Variants in FSD2 observed in about 807,000 individuals in gnomAD.
FSD2 encodes fibronectin type III and SPRY domain containing 2.
FSD2 carries 71 observed loss-of-function variants against 80.4 expected under a neutral mutation model. The observed-to-expected ratio is 0.88, with a 90% confidence interval of 0.73 to 1.08. FSD2 has a LOEUF of 1.08. FSD2 is among the 50% of genes least tolerant of loss of function. The probability of loss-of-function intolerance (pLI) is 0.00; values close to 1 mark genes in which losing one functional copy is unlikely to be tolerated. For synonymous variants in FSD2, 361 were observed against 329.5 expected (o/e 1.10, Z -1.03); for missense variants, 923 against 913.8 (o/e 1.01, Z -0.13).
chr15:82,789,973 G>A (rs1170570914), intron 1 of FSD2, among the ~76,000 whole-genome samples: 1 of 152,128 alleles, frequency 6.6e-6, no homozygotes, highest in Admixed American at 6.5e-5. Flanking sequence ...TCAGGAGTTC[G>A]AGACCAGCCT....
intron 1 of FSD2, among the ~76,000 whole-genome samples, chr15:82,797,495 G>T (rs1225792532): frequency 6.6e-6 from 1 of 152,178 alleles, no homozygotes; most frequent in Non-Finnish European, 1.5e-5. Flanking sequence ...ATTAAGAGAT[G>T]CATTTCCATT....
chr15:82,778,892 TGG>T lies in FSD2; in HGVS notation c.990-7_990-6del, dbSNP rs752861069. The T allele has an allele frequency of 6.2e-6, 10 of 1,613,792 alleles. No homozygotes were observed. The highest frequency in any genetic ancestry group is 7.6e-6 in the Non-Finnish European group (9 of 1,179,854). ...GTTTTCAGGAATTTCCCGAGTCTGT[TGG>T]TATAAAAAGACATGCTGACTAGAAT... On this transcript the variant is annotated splice_polypyrimidine_tract_variant and splice_region_variant and intron_variant, in intron 5 of 12. Transcript: ENST00000334574.
In FSD2 at chr15:82,786,778, G is replaced by T; in HGVS notation, c.613C>A (p.Leu205Ile). ...TTGGCACTTTCCAGTGCTTCATTGAGTGGGATCACTTCATGCTCCTTATGT... is the reference window on the plus strand; with the variant it reads ...TTGGCACTTTCCAGTGCTTCATTGATTGGGATCACTTCATGCTCCTTATGT... ...DEHKEHEVIPLNEALESAKDE... is the reference protein window; with the variant it reads ...DEHKEHEVIPINEALESAKDE... Residue 205 changes from leucine (L) to isoleucine (I), a missense_variant, in exon 2 of 13, where the codon CTC becomes ATC. Physicochemically the swap from Leu to Ile is conservative, Grantham distance 5 (BLOSUM62 2). Transcript: ENST00000334574. The T allele has an allele frequency of 6.2e-7, 1 of 1,613,914 alleles. No homozygotes were observed. Among genetic ancestry groups the T allele is most frequent in the Non-Finnish European group, 8.5e-7 (1 of 1,179,822 alleles).
intron 3 of FSD2, among the ~76,000 whole-genome samples, chr15:82,784,028 G>A (rs912239698): frequency 2.0e-5 from 3 of 152,114 alleles, no homozygotes; most frequent in East Asian, 1.9e-4. Context: ...AGATGATGGG[G>A]ACATTTCCAA....
intron 1 of FSD2, chr15:82,796,195 G>A (rs752982052): frequency 6.5e-6 from 1 of 153,342 alleles, no homozygotes; most frequent in Non-Finnish European, 1.5e-5. Context: ...TAGAGACGGG[G>A]TTTCACCATG....
In FSD2 at chr15:82,778,689, TAA is replaced by T. The variant is rs1236635288; in HGVS notation, c.1111+75_1111+76del. 4.8e-6 allele frequency: 7 copies of T among 1,471,186 alleles called. No individual in the cohort carries two copies. In the African/African-American group the frequency reaches 1.0e-4, roughly 21 times the overall value. 91.1% of individuals were successfully genotyped at this position (1,471,186 alleles called of 1,614,324 possible). ...TTTGTTAAGAGGATAGATCTCATGCTAAGTGTTCTCATCACAAGAAAGAAAAA... is the reference window on the plus strand; with the variant it reads ...TTTGTTAAGAGGATAGATCTCATGCTGTGTTCTCATCACAAGAAAGAAAAA... On this transcript the variant is annotated intron_variant, in intron 6 of 12. Transcript: ENST00000334574.
At chr15:82,786,107 C>T (rs2049989761) in intron 3 of FSD2, among the ~76,000 whole-genome samples, 1 of 151,946 alleles carries the variant, frequency 6.6e-6, no homozygotes, top group Admixed American at 6.6e-5. Context: ...AAATCACATA[C>T]AATTGGTGAT....
intron 5 of FSD2, 53 bp from the exon 6 acceptor site, chr15:82,778,940 G>GTA (rs1341346588): frequency 6.9e-6 from 11 of 1,599,284 alleles, no homozygotes; most frequent in South Asian, 1.1e-5. Context: ...TCTCCTTAGG[G>GTA]TATATATATA....
At chr15:82,764,513 GAGA>G (rs2049366804) in intron 11 of FSD2, among the ~76,000 whole-genome samples, 2 of 24,116 alleles carry the variant, frequency 8.3e-5, no homozygotes, top group South Asian at 1.8e-3. Context: ...TTTTTTTTTT[GAGA>G]AGGAGTCTCA....
In FSD2 at chr15:82,792,491, A is replaced by G. The variant is rs76293074; in HGVS notation, c.-78-5023T>C. The stretch of plus-strand genomic sequence containing the variant: ...TGCCTTTTTGTTATTGAGCTCTAAG[A>G]GTTCTTTGTGTATTCTGCATTCTAG... On this transcript the variant is annotated intron_variant, in intron 1 of 12. Transcript: ENST00000334574. Among the ~76,000 whole-genome samples, 1,516 of 152,240 alleles carry G rather than the reference A, an allele frequency of 1.0e-2. 21 individuals are homozygous for G. The highest frequency in any genetic ancestry group is 0.034 in the African/African-American group (1,392 of 41,544).
At position 82,759,440 on chromosome 15, in the gene FSD2, C is replaced by T. The variant is rs1108134; in HGVS notation, c.2158G>A (p.Glu720Lys). 0.16 allele frequency: 253,225 copies of T among 1,613,132 alleles called. 21,640 individuals carry two copies. Among genetic ancestry groups the T allele is most frequent in the Non-Finnish European group, 0.17 (204,289 of 1,179,426 alleles). ...HLYTFSCQLH[E>K]FVHPCFSLEK... is the part of the protein sequence containing the mutation. ...AAAGAAAAACAGGGATGCACAAATT[C>T]GTGAAGCTGACAACTAAATGTATAT... The change falls in exon 13 of 13, where the codon GAA becomes AAA. Residue 720 changes from glutamate (E) to lysine (K), a missense_variant. By Grantham distance (56) the Glu-to-Lys change is moderately conservative (BLOSUM62 1). Coordinates refer to ENST00000334574, the MANE Select transcript of FSD2 (RefSeq NM_001007122.4).
chr15:82,792,328 A>G (rs182946559), intron 1 of FSD2, among the ~76,000 whole-genome samples: 1 of 152,362 alleles, frequency 6.6e-6, no homozygotes, highest in East Asian at 1.9e-4. Flanking sequence ...ATGAAATGGT[A>G]TCTCATTGTG....
At chr15:82,766,345 G>A (rs1457418497) in intron 9 of FSD2, among the ~76,000 whole-genome samples, 2 of 152,182 alleles carry the variant, frequency 1.3e-5, no homozygotes, top group Non-Finnish European at 2.9e-5. Context: ...GAGTGTGCAT[G>A]CAGTAGAATC....
intron 1 of FSD2, among the ~76,000 whole-genome samples, chr15:82,788,110 A>G (rs2050048396): frequency 6.6e-6 from 1 of 152,124 alleles, no homozygotes; most frequent in Non-Finnish European, 1.5e-5. Flanking sequence ...GTGGCATCTC[A>G]ATAGATGAAT....
chr15:82,793,616 A>G (rs571823757), intron 1 of FSD2, among the ~76,000 whole-genome samples: 1 of 152,182 alleles, frequency 6.6e-6, no homozygotes, highest in African/African-American at 2.4e-5. Context: ...GTAAGTAGCA[A>G]TGGGGCCCTG....
At position 82,762,103 on chromosome 15, in the gene FSD2, TTGA is replaced by T; in HGVS notation, c.1993_1995del (p.Ser665del). 1.3e-6 allele frequency: 2 copies of T among 1,587,232 alleles called. No homozygotes were observed. Among genetic ancestry groups the T allele is most frequent in the South Asian group, 1.2e-5 (1 of 86,590 alleles). ...GTGAGTATCCAGATTTTACTTTACC[TTGA>T]TGATGCAAATGTGTGCCTCATGCAC... On this transcript the variant is annotated inframe_deletion and splice_region_variant, in exon 12 of 13. Coordinates refer to ENST00000334574, the MANE Select transcript of FSD2 (RefSeq NM_001007122.4).
chr15:82,774,152 G>A (rs2049656308), intron 6 of FSD2, among the ~76,000 whole-genome samples: 2 of 152,132 alleles, frequency 1.3e-5, no homozygotes, highest in Admixed American at 6.5e-5. Flanking sequence ...ATAGCTCACT[G>A]CAGCCTTACT....
chr15:82,779,224 C>T (rs1265132650), intron 5 of FSD2, among the ~76,000 whole-genome samples: 2 of 152,182 alleles, frequency 1.3e-5, no homozygotes. Flanking sequence ...TCTCAAGTCA[C>T]TCCAGGCCCA....
intron 6 of FSD2, among the ~76,000 whole-genome samples, chr15:82,777,341 C>CA (rs901598414): frequency 9.9e-5 from 15 of 151,530 alleles, no homozygotes; most frequent in South Asian, 2.1e-4. Flanking sequence ...GACTAGTATA[C>CA]AAAAAAAATA....
Sources: allele counts gnomAD v4.1 joint callset (sites outside exome capture counted in the v4.1 genomes callset), GRCh38; gene constraint gnomAD v4.1.1; transcripts MANE v1.5; gene names NCBI Gene and HGNC (gene_info 2026-07-23, HGNC 2026-07-21).